DCLK1: variants seen among roughly 807,000 people sequenced by gnomAD.
DCLK1 encodes the protein serine/threonine-protein kinase DCLK1.
DCLK1 carries 16 observed loss-of-function variants against 86.2 expected under a neutral mutation model. The ratio of observed to expected loss-of-function variants is 0.19; its 90% confidence interval spans 0.13 to 0.28. The LOEUF is 0.28. Among genes scored for constraint, DCLK1 ranks in the 10% least tolerant of loss-of-function variants. The pLI is 1.00. For synonymous variants in DCLK1, 369 were observed against 370.5 expected (o/e 1.00, Z 0.05); for missense variants, 590 against 940.2 (o/e 0.63, Z 4.87).
chr13:36,039,817 TGAA>T (rs1882638061), intron 3 of DCLK1, among the ~76,000 whole-genome samples: 3 of 152,178 alleles, frequency 2.0e-5, no homozygotes, highest in Non-Finnish European at 4.4e-5. Flanking sequence ...AAAACACTTT[TGAA>T]CGCAGTGTCT....
intron 15 of DCLK1, among the ~76,000 whole-genome samples, chr13:35,797,888 C>T (rs1283271320): frequency 1.3e-5 from 2 of 152,068 alleles, no homozygotes; most frequent in African/African-American, 2.4e-5. Flanking sequence ...TATATATATA[C>T]ATCTTTATCA....
At chr13:35,957,343 T>C (rs992260066) in intron 3 of DCLK1, among the ~76,000 whole-genome samples, 1 of 152,144 alleles carries the variant, frequency 6.6e-6, no homozygotes, top group Non-Finnish European at 1.5e-5. Context: ...ATTGTTCTCT[T>C]ATAATTTTGT....
At chr13:36,076,280 T>A (rs752130061) in intron 3 of DCLK1, among the ~76,000 whole-genome samples, 26 of 152,320 alleles carry the variant, frequency 1.7e-4, no homozygotes, top group Admixed American at 2.6e-4. Flanking sequence ...CCTGTCTCCT[T>A]GACTAGGTGG....
At chr13:36,062,825 C>T (rs1050909382) in intron 3 of DCLK1, among the ~76,000 whole-genome samples, 19 of 152,166 alleles carry the variant, frequency 1.2e-4, no homozygotes, top group African/African-American at 4.1e-4. Flanking sequence ...TACAAGCCAT[C>T]GTTCCAATTT....
chr13:35,992,311 C>A (rs578101110), intron 3 of DCLK1, among the ~76,000 whole-genome samples: 32 of 152,286 alleles, frequency 2.1e-4, no homozygotes, highest in African/African-American at 7.7e-4. Flanking sequence ...GCCATAGTCT[C>A]ACAAAGATGA....
At chr13:35,875,820 C>T (rs541737215) in intron 4 of DCLK1, among the ~76,000 whole-genome samples, 150 of 152,306 alleles carry the variant, frequency 9.8e-4, no homozygotes, top group African/African-American at 3.4e-3. Flanking sequence ...GATCCTGTTA[C>T]TACTTGTGTG....
At position 35,773,897 on chromosome 13, in the gene DCLK1, C is replaced by T. The variant is rs1277851142; in HGVS notation, c.*638G>A. Reference sequence around the variant, plus strand: ...TGGGTCAAGCTCTTTGCCACAAACCCAATTCCCTCCACTTGGGATGCAGAA... The same window carrying T: ...TGGGTCAAGCTCTTTGCCACAAACCTAATTCCCTCCACTTGGGATGCAGAA... On this transcript the variant is annotated 3_prime_UTR_variant, in exon 17 of 17. Coordinates refer to ENST00000360631, the MANE Select transcript of DCLK1 (RefSeq NM_001330071.2). 1 of 152,286 alleles carries T rather than the reference C, an allele frequency of 6.6e-6. No homozygotes were observed. Among genetic ancestry groups the T allele is most frequent in the Non-Finnish European group, 1.5e-5 (1 of 68,044 alleles). 9.4% of individuals were successfully genotyped at this position (152,286 alleles called of 1,614,324 possible). A position where few individuals can be genotyped will look rare whatever the true frequency, so the allele number is the denominator to read the frequency against.
intron 3 of DCLK1, among the ~76,000 whole-genome samples, chr13:36,014,841 A>G (rs1266998091): frequency 1.3e-5 from 2 of 152,202 alleles, no homozygotes; most frequent in Non-Finnish European, 2.9e-5. Flanking sequence ...CAAGTAAATC[A>G]TATGTTTTTG....
intron 6 of DCLK1, 66 bp downstream of exon 6, chr13:35,854,433 G>T: frequency 1.5e-6 from 2 of 1,302,446 alleles, no homozygotes; most frequent in Non-Finnish European, 2.1e-6. Context: ...CGATTTGCTG[G>T]CACCTGTACC....
intron 3 of DCLK1, among the ~76,000 whole-genome samples, chr13:36,047,036 T>G (rs1882940363): frequency 6.6e-6 from 1 of 152,140 alleles, no homozygotes; most frequent in Non-Finnish European, 1.5e-5. Context: ...GAAAAGACAT[T>G]TTTCAAAAAG....
At chr13:35,849,666 A>G in intron 6 of DCLK1, 1 of 984,216 alleles carries the variant, frequency 1.0e-6, no homozygotes, top group Non-Finnish European at 1.2e-6. Context: ...ACAATGGGTT[A>G]TAATCATAGA....
chr13:35,849,208 G>A, intron 6 of DCLK1: 1 of 985,308 alleles, frequency 1.0e-6, no homozygotes, highest in Non-Finnish European at 1.2e-6. Flanking sequence ...AAGTGAGATG[G>A]TAACATACGT....
At chr13:36,129,979 A>G (rs1593916659) in intron 1 of DCLK1, among the ~76,000 whole-genome samples, 2 of 152,196 alleles carry the variant, frequency 1.3e-5, no homozygotes, top group African/African-American at 4.8e-5. Flanking sequence ...AATGGCATAA[A>G]TGCTACCACA....
chr13:35,780,549 AC>A (rs1308641066), intron 16 of DCLK1, among the ~76,000 whole-genome samples: 1 of 152,250 alleles, frequency 6.6e-6, no homozygotes, highest in Non-Finnish European at 1.5e-5. Flanking sequence ...AGATATGTGC[AC>A]AATAGTGACT....
intron 4 of DCLK1, among the ~76,000 whole-genome samples, chr13:35,941,478 C>A (rs143311023): frequency 6.6e-6 from 1 of 152,184 alleles, no homozygotes; most frequent in African/African-American, 2.4e-5. Context: ...CCAGGAAGAA[C>A]AACACTGGAC....
intron 3 of DCLK1, among the ~76,000 whole-genome samples, chr13:35,996,775 G>A (rs552726320): frequency 6.6e-6 from 1 of 152,258 alleles, no homozygotes; most frequent in East Asian, 1.9e-4. Context: ...CCACTTATCT[G>A]AAGGGTATTA....
intron 2 of DCLK1, among the ~76,000 whole-genome samples, chr13:36,118,215 T>C (rs143780655): frequency 3.9e-5 from 6 of 152,196 alleles, no homozygotes; most frequent in African/African-American, 9.6e-5. Flanking sequence ...GCAGTGTGAA[T>C]GAGGGGCTGA....
intron 1 of DCLK1, among the ~76,000 whole-genome samples, chr13:36,129,594 C>T (rs1886297952): frequency 1.3e-5 from 2 of 152,250 alleles, no homozygotes. Context: ...CTTAGTCATA[C>T]ATTTGAACCA....
rs1340348082 is a variant in DCLK1, at chr13:35,773,950, A to G, written c.*585T>C. ...CACTGCAACTGACAGTCATATCTCT[A>G]ATGAAAAAAAAAATCTGTTTCTGAA... On this transcript the variant is annotated 3_prime_UTR_variant, in exon 17 of 17. Transcript: ENST00000360631. 6.6e-6 allele frequency: 1 copy of G among 150,678 alleles called. No individual in the cohort carries two copies. Among genetic ancestry groups the G allele is most frequent in the South Asian group, 2.1e-4 (1 of 4,822 alleles). 9.3% of individuals were successfully genotyped at this position (150,678 alleles called of 1,614,324 possible).
Sources: gnomAD v4.1 joint callset for allele counts (sites outside exome capture counted in the v4.1 genomes callset) on GRCh38, gnomAD v4.1.1 for gene constraint, MANE v1.5 for transcripts, NCBI Gene and HGNC (gene_info 2026-07-23, HGNC 2026-07-21) for gene names.